The following PLCH2 variants were observed in gnomAD, a reference collection of about 807,000 sequenced individuals.
PLCH2 encodes 1-phosphatidylinositol 4,5-bisphosphate phosphodiesterase eta-2.
PLCH2 carries 98 observed loss-of-function variants against 134.7 expected under a neutral mutation model. That is an observed-to-expected ratio of 0.73 (90% CI 0.62 to 0.86). The LOEUF (loss-of-function observed/expected upper bound fraction) is 0.86, where lower values mean the gene tolerates loss of function less well. PLCH2 is among the 40% of genes least tolerant of loss of function. PLCH2 has a pLI of 0.00. For missense variants in PLCH2, 1,994 were observed against 1,986.6 expected, an observed-to-expected ratio of 1.00 and a Z score of -0.07; for synonymous variants, 974 against 827.5, an observed-to-expected ratio of 1.18 and a Z score of -3.04.
chr1:2,474,196 G>A (rs923387578), upstream of PLCH2, among the ~76,000 whole-genome samples: 1 of 152,174 alleles, frequency 6.6e-6, no homozygotes, highest in African/African-American at 2.4e-5. Flanking sequence ...CTGGGCCCTG[G>A]GCCGGCTCAC....
upstream of PLCH2, among the ~76,000 whole-genome samples, chr1:2,422,614 G>A (rs1173694736): frequency 6.6e-6 from 1 of 152,210 alleles, no homozygotes; most frequent in Non-Finnish European, 1.5e-5. Context: ...TGGACTTTTT[G>A]TATTGTTACA....
At chr1:2,456,360 A>T (rs1640492259) in intron 2 of PLCH2, among the ~76,000 whole-genome samples, 1 of 152,198 alleles carries the variant, frequency 6.6e-6, no homozygotes, top group Non-Finnish European at 1.5e-5. Context: ...GCTCCAGCCC[A>T]GCTTGGGAGG....
At chr1:2,478,418 T>A in intron 1 of PLCH2, 58 bp from the exon 2 acceptor site, 1 of 1,584,322 alleles carries the variant, frequency 6.3e-7, no homozygotes, top group South Asian at 1.1e-5. Flanking sequence ...GACGGCCGTG[T>A]CTCTCCTGCG....
upstream of PLCH2, among the ~76,000 whole-genome samples, chr1:2,464,465 C>G (rs572239119): frequency 9.2e-5 from 14 of 152,226 alleles, no homozygotes; most frequent in Admixed American, 3.9e-4. Flanking sequence ...CTGGAGCAAC[C>G]CTGGCCTATA....
chr1:2,454,428 C>CA (rs1329475420), intron 2 of PLCH2, among the ~76,000 whole-genome samples: 1 of 152,198 alleles, frequency 6.6e-6, no homozygotes, highest in Non-Finnish European at 1.5e-5. Flanking sequence ...CACCACGTGA[C>CA]ATGCTTGATG....
At chr1:2,425,099 G>A (rs1488983972), upstream of PLCH2, among the ~76,000 whole-genome samples, 1 of 151,040 alleles carries the variant, frequency 6.6e-6, no homozygotes, top group Non-Finnish European at 1.5e-5. Flanking sequence ...GGAGGCGGAG[G>A]CTGCAGTGAG....
At chr1:2,487,530 G>A (rs1642352260) in intron 7 of PLCH2, 68 bp from the exon 8 acceptor site, 22 of 1,557,204 alleles carry the variant, frequency 1.4e-5, no homozygotes, top group South Asian at 6.0e-5. Flanking sequence ...TCTTTTGGTC[G>A]AAGCTCAGCC....
intron 13 of PLCH2, 72 bp downstream of exon 13, chr1:2,495,642 G>A: frequency 9.1e-7 from 1 of 1,104,924 alleles, no homozygotes; most frequent in Non-Finnish European, 1.3e-6. Context: ...CTTCTCTGCG[G>A]TGACCCCACC....
At position 2,478,637 on chromosome 1, in the gene PLCH2, T is replaced by C. The variant is rs1557996188; in HGVS notation, c.271+15T>C. The C allele has an allele frequency of 6.3e-7, 1 of 1,598,944 alleles. No homozygotes were observed. The highest frequency in any genetic ancestry group is 2.3e-5 in the East Asian group (1 of 44,102). ...GAAGGCCAAGAGTGAGTGGGAGCCC[T>C]GGGGTGGGGACAAATCAGAGTCCCT... is the stretch of plus-strand genomic sequence containing the variant. On this transcript the variant is annotated intron_variant, in intron 2 of 21. Transcript: ENST00000378486.
intron 2 of PLCH2, among the ~76,000 whole-genome samples, chr1:2,443,889 C>T (rs901638008): frequency 2.0e-5 from 3 of 151,036 alleles, no homozygotes; most frequent in African/African-American, 7.3e-5. Flanking sequence ...TCCCGGCCCG[C>T]AGCCCCCGCC....
At chr1:2,494,178 GC>G (rs890306922) in intron 11 of PLCH2, among the ~76,000 whole-genome samples, 2 of 152,204 alleles carry the variant, frequency 1.3e-5, no homozygotes, top group African/African-American at 2.4e-5. Context: ...GGGAGGGGCT[GC>G]AGGGGTCAGG....
In PLCH2 at chr1:2,498,666, C is replaced by T. The variant is rs565457871; in HGVS notation, c.2349+19C>T. ...TGGGGAGGTGGGGGCCAGCCCCACA[C>T]AGGCGGGAGGGGTGGGAGTTGGGGG... On this transcript the variant is annotated intron_variant, in intron 17 of 21. Transcript: ENST00000378486. The surrounding 1 kb of genome is among the most constrained non-coding windows in gnomAD (Gnocchi z 5.4). 25 of 1,438,954 alleles carry T rather than the reference C, an allele frequency of 1.7e-5. No homozygotes were observed. In the East Asian group the frequency reaches 6.0e-4, roughly 34 times the overall value. 89.1% of individuals were successfully genotyped at this position (1,438,954 alleles called of 1,614,324 possible).
intron 1 of PLCH2, among the ~76,000 whole-genome samples, chr1:2,471,065 G>A (rs1197758401): frequency 6.7e-6 from 1 of 148,722 alleles, no homozygotes; most frequent in African/African-American, 2.4e-5. Context: ...TCGCGGTGGG[G>A]GGAGGAAGCT....
intron 19 of PLCH2, 127 bp downstream of exon 19, chr1:2,499,357 T>C: frequency 8.3e-7 from 1 of 1,198,910 alleles, no homozygotes; most frequent in African/African-American, 1.5e-5. Flanking sequence ...AGACAGGAGC[T>C]GAGGACGGGA....
At position 2,494,561 on chromosome 1, in the gene PLCH2, A is replaced by G; in HGVS notation, c.1660-295A>G. The stretch of plus-strand genomic sequence containing the variant: ...AAGGATTCAGAACTTAACGAGTTTA[A>G]AACAACACATGAGAGACGCTGAGGC... On this transcript the variant is annotated intron_variant, in intron 11 of 21. Transcript: ENST00000378486. 3 of 529,052 alleles carry G rather than the reference A, an allele frequency of 5.7e-6. No individual in the cohort carries two copies. In the South Asian group the frequency reaches 6.3e-5, roughly 11 times the overall value. The allele number at this position is 529,052 out of a possible 1,614,324, so 32.8% of individuals were successfully genotyped here. A position where few individuals can be genotyped will look rare whatever the true frequency, so the allele number is the denominator to read the frequency against.
intron 21 of PLCH2, chr1:2,502,729 A>T (rs1457790482): frequency 1.4e-6 from 1 of 715,702 alleles, no homozygotes; most frequent in Non-Finnish European, 2.6e-6. Context: ...GGCAGGGTCC[A>T]GGCGGTAGCG....
At chr1:2,457,363 G>A (rs1051492535) in intron 2 of PLCH2, among the ~76,000 whole-genome samples, 5 of 152,182 alleles carry the variant, frequency 3.3e-5, no homozygotes, top group Non-Finnish European at 7.4e-5. Context: ...GCCAGGGGCT[G>A]GGGGGCTGCA....
At chr1:2,456,576 C>A (rs1351334412) in intron 2 of PLCH2, among the ~76,000 whole-genome samples, 1 of 152,230 alleles carries the variant, frequency 6.6e-6, no homozygotes, top group African/African-American at 2.4e-5. Context: ...CCGCCCCCGG[C>A]AGACCCGTCG....
upstream of PLCH2, among the ~76,000 whole-genome samples, chr1:2,421,102 G>A (rs1437970164): frequency 3.9e-5 from 6 of 152,098 alleles, no homozygotes; most frequent in Admixed American, 2.0e-4. Context: ...GCGCCACCAC[G>A]CCTGGCTAAT....
Sources: allele counts gnomAD v4.1 joint callset (sites outside exome capture counted in the v4.1 genomes callset), GRCh38; gene constraint gnomAD v4.1.1; non-coding constraint Gnocchi (gnomAD v3.1); transcripts MANE v1.5; gene names NCBI Gene and HGNC (gene_info 2026-07-23, HGNC 2026-07-21).